Variants in EEPD1 observed in about 807,000 individuals in gnomAD.
The protein encoded by EEPD1 is endonuclease/exonuclease/phosphatase family domain-containing protein 1.
A neutral mutation model predicts 46.3 loss-of-function variants in EEPD1; 17 were observed. That is an observed-to-expected ratio of 0.37 (90% CI 0.25 to 0.55). The LOEUF is 0.55. Among genes scored for constraint, EEPD1 ranks in the 20% least tolerant of loss-of-function variants. EEPD1 has a pLI of 0.83. For synonymous variants in EEPD1, 313 were observed against 315.6 expected, an observed-to-expected ratio of 0.99 and a Z score of 0.09; for missense variants, 673 against 745.6, an observed-to-expected ratio of 0.90 and a Z score of 1.13.
intron 3 of EEPD1, among the ~76,000 whole-genome samples, chr7:36,239,952 G>A (rs1448147902): frequency 6.6e-6 from 1 of 152,224 alleles, no homozygotes; most frequent in African/African-American, 2.4e-5. Context: ...ACAAGCACTT[G>A]AACTATATTC....
At chr7:36,279,554 G>A (rs1437231371) in intron 3 of EEPD1, among the ~76,000 whole-genome samples, 3 of 152,192 alleles carry the variant, frequency 2.0e-5, no homozygotes, top group African/African-American at 7.2e-5. Flanking sequence ...TTGTATGTGG[G>A]CTGCCCAGGG....
At chr7:36,187,402 C>T (rs977680553) in intron 2 of EEPD1, among the ~76,000 whole-genome samples, 1 of 152,162 alleles carries the variant, frequency 6.6e-6, no homozygotes, top group African/African-American at 2.4e-5. Context: ...ACTAACTTCC[C>T]ATTCCCCATC....
intron 2 of EEPD1, among the ~76,000 whole-genome samples, chr7:36,236,552 C>G (rs1026621073): frequency 4.6e-5 from 7 of 152,224 alleles, no homozygotes. Flanking sequence ...AGGCTAGGTG[C>G]CACAAAGTCC....
chr7:36,203,309 G>A (rs1785748818), intron 2 of EEPD1, among the ~76,000 whole-genome samples: 1 of 152,166 alleles, frequency 6.6e-6, no homozygotes, highest in African/African-American at 2.4e-5. Context: ...GAAAGGCACC[G>A]CAGGTCACAC....
intron 3 of EEPD1, among the ~76,000 whole-genome samples, chr7:36,260,584 G>A (rs946979036): frequency 6.6e-6 from 1 of 152,304 alleles, no homozygotes; most frequent in African/African-American, 2.4e-5. Flanking sequence ...TTGTTTGAGG[G>A]GATTTCTAAG....
At chr7:36,198,359 G>GAAAAAAAAAAAAAAAAAA (rs1381831424) in intron 2 of EEPD1, among the ~76,000 whole-genome samples, 7 of 39,626 alleles carry the variant, frequency 1.8e-4, no homozygotes, top group Admixed American at 5.6e-4. Context: ...AAAAAAAAAA[G>GAAAAAAAAAAAAAAAAAA]AAAGATATTT....
At chr7:36,165,411 CTTTTTTTT>C (rs56236165) in intron 2 of EEPD1, among the ~76,000 whole-genome samples, 2 of 62,062 alleles carry the variant, frequency 3.2e-5, no homozygotes, top group African/African-American at 1.4e-4. Flanking sequence ...GATCCATTTC[CTTTTTTTT>C]TTTTTTTTTT....
chr7:36,210,625 C>T (rs916352269), intron 2 of EEPD1, among the ~76,000 whole-genome samples: 2 of 152,184 alleles, frequency 1.3e-5, no homozygotes, highest in South Asian at 4.1e-4. Flanking sequence ...TGGCCTTTGA[C>T]ACCTCCTCCC....
intron 6 of EEPD1, among the ~76,000 whole-genome samples, chr7:36,289,700 T>G (rs1287104210): frequency 6.6e-6 from 1 of 152,232 alleles, no homozygotes; most frequent in African/African-American, 2.4e-5. Flanking sequence ...TTCACCGTGT[T>G]AGCCAGGATG....
chr7:36,196,991 C>A (rs1187856911), intron 2 of EEPD1, among the ~76,000 whole-genome samples: 1 of 151,010 alleles, frequency 6.6e-6, no homozygotes, highest in African/African-American at 2.4e-5. Flanking sequence ...GGCCCCCCAT[C>A]GTCTGAGATG....
intron 2 of EEPD1, among the ~76,000 whole-genome samples, chr7:36,164,628 T>C (rs2115610754): frequency 6.6e-6 from 1 of 152,364 alleles, no homozygotes; most frequent in South Asian, 2.1e-4. Flanking sequence ...TGCAGGTGGT[T>C]ACTGACCTAC....
chr7:36,294,294 C>A (rs1787490270), intron 6 of EEPD1, among the ~76,000 whole-genome samples: 1 of 151,936 alleles, frequency 6.6e-6, no homozygotes, highest in Non-Finnish European at 1.5e-5. Flanking sequence ...CTAGTACTCA[C>A]TCAAATATTG....
rs116566958 is a variant in EEPD1 at position 36,239,919 on chromosome 7, T to C, written c.930+883T>C. 7.3e-3 allele frequency among the ~76,000 whole-genome samples: 1,113 copies of C among 152,316 alleles called. 21 individuals carry two copies. The highest frequency in any genetic ancestry group is 0.026 in the African/African-American group (1,068 of 41,564). On this transcript the variant is annotated intron_variant, in intron 3 of 7. Coordinates refer to ENST00000242108, the MANE Select transcript of EEPD1 (RefSeq NM_030636.3). ...ATGAAGCAACAGCACCCAAACGATATTCATTTGTTTTTGGTTAGAGAGACA... is the reference window on the plus strand; with the variant it reads ...ATGAAGCAACAGCACCCAAACGATACTCATTTGTTTTTGGTTAGAGAGACA...
At chr7:36,170,625 T>G (rs1258656855) in intron 2 of EEPD1, among the ~76,000 whole-genome samples, 1 of 151,706 alleles carries the variant, frequency 6.6e-6, no homozygotes, top group African/African-American at 2.4e-5. Flanking sequence ...TTTTTTCTTC[T>G]TCCCCCTCCC....
In EEPD1 at chr7:36,232,174, G is replaced by GGT. The variant is rs397714437; in HGVS notation, c.879-6811_879-6810insGT. Among the ~76,000 whole-genome samples the GGT allele has an allele frequency of 3.2e-3, 453 of 140,902 alleles. 3 individuals carry two copies. The highest frequency in any genetic ancestry group is 0.011 in the African/African-American group (400 of 37,916). 92.4% of individuals were successfully genotyped at this position (140,902 alleles called of 152,430 possible). A position where few individuals can be genotyped will look rare whatever the true frequency, so the allele number is the denominator to read the frequency against. On this transcript the variant is annotated intron_variant, in intron 2 of 7. Coordinates refer to ENST00000242108, the MANE Select transcript of EEPD1 (RefSeq NM_030636.3). Reference sequence around the variant, plus strand: ...TAAAGCTATTCCATTTATGTTGCTGGTTTTTTTTTTTTTTTGGTTTTGTTT... The same window carrying GGT: ...TAAAGCTATTCCATTTATGTTGCTGGGTTTTTTTTTTTTTTTTGGTTTTGTTT...
intron 2 of EEPD1, among the ~76,000 whole-genome samples, chr7:36,156,248 C>T (rs917933200): frequency 1.3e-5 from 2 of 152,142 alleles, no homozygotes; most frequent in African/African-American, 2.4e-5. Flanking sequence ...GATGGCAGAT[C>T]ACCAGGAAAA....
intron 2 of EEPD1, among the ~76,000 whole-genome samples, chr7:36,190,557 A>C (rs546845040): frequency 6.6e-4 from 100 of 152,354 alleles, no homozygotes; most frequent in African/African-American, 2.1e-3. Flanking sequence ...CCATTTTTAG[A>C]CATGGGCCAC....
intron 2 of EEPD1, among the ~76,000 whole-genome samples, chr7:36,163,984 A>C (rs1784942704): frequency 6.6e-6 from 1 of 152,076 alleles, no homozygotes; most frequent in Admixed American, 6.6e-5. Context: ...TGCTTTCTTA[A>C]CCAGCTTGGC....
In EEPD1 at chr7:36,246,026, T is replaced by C. The variant is rs148034525; in HGVS notation, c.930+6990T>C. On this transcript the variant is annotated intron_variant, in intron 3 of 7. Coordinates refer to ENST00000242108, the MANE Select transcript of EEPD1 (RefSeq NM_030636.3). ...GGTACAGCTTGATTTAGAAAGATCA[T>C]TTTTCAATGACCCTTTCAAATGGCT... Among the ~76,000 whole-genome samples, 15 of 152,334 alleles carry C rather than the reference T, an allele frequency of 9.8e-5. No homozygotes were observed. In the East Asian group the frequency reaches 2.9e-3, roughly 29 times the overall value.
Sources: gnomAD v4.1 joint callset for allele counts (sites outside exome capture counted in the v4.1 genomes callset) on GRCh38, gnomAD v4.1.1 for gene constraint, MANE v1.5 for transcripts, NCBI Gene and HGNC (gene_info 2026-07-23, HGNC 2026-07-21) for gene names.